CDK5RAP3: variants seen among roughly 807,000 people sequenced by gnomAD.
CDK5RAP3 encodes CDK5 regulatory subunit associated protein 3, also known as CDK5 regulatory subunit-associated protein 3.
CDK5RAP3 carries 58 observed loss-of-function variants against 73.3 expected under a neutral mutation model. The ratio of observed to expected loss-of-function variants is 0.79; its 90% CI spans 0.64 to 0.98. The LOEUF (loss-of-function observed/expected upper bound fraction) is 0.98. Ranked by LOEUF, CDK5RAP3 falls within the 50% of genes least tolerant of loss-of-function variation. The probability of loss-of-function intolerance (pLI) is 0.00; values close to 1 mark genes in which losing one functional copy is unlikely to be tolerated. For missense variants in CDK5RAP3, 525 were observed against 615.8 expected, an observed-to-expected ratio of 0.85 and a Z score of 1.56; for synonymous variants, 224 against 247.5, an observed-to-expected ratio of 0.91 and a Z score of 0.89.
At position 47,975,313 on chromosome 17, in the gene CDK5RAP3, C is replaced by T. The variant is rs781738132; in HGVS notation, c.489C>T (p.His163=). The stretch of plus-strand genomic sequence containing the variant: ...CCGAGATGCGGGAGCAGTTCTACCA[C>T]TCCTGCAAGCAGTATGGCATCACGG... ...GAAEMREQFY[H]SCKQYGITGE... is the part of the protein sequence containing the mutation. The change falls in exon 6 of 14, where the codon CAC becomes CAT. Residue 163 remains histidine (H), a synonymous_variant. Transcript: ENST00000338399. The T allele has an allele frequency of 6.2e-7, 1 of 1,614,122 alleles. No homozygotes were observed. The highest frequency in any genetic ancestry group is 8.5e-7 in the Non-Finnish European group (1 of 1,180,016).
chr17:47,976,056 C>G (rs2036404877), intron 8 of CDK5RAP3, 43 bp downstream of exon 8: 4 of 1,593,926 alleles, frequency 2.5e-6, no homozygotes, highest in South Asian at 1.1e-5. Context: ...GGAGTGGGAG[C>G]TGCTTGTCCC....
rs1465123684 is a variant in CDK5RAP3 at position 47,971,203 on chromosome 17, C to T, written c.6+51C>T. 13 of 1,531,050 alleles carry T rather than the reference C, an allele frequency of 8.5e-6. 1 individual carries two copies. The highest frequency in any genetic ancestry group is 2.0e-5 in the Admixed American group (1 of 49,992). 94.8% of individuals were successfully genotyped at this position (1,531,050 alleles called of 1,614,324 possible). A position where few individuals can be genotyped will look rare whatever the true frequency, so the allele number is the denominator to read the frequency against. ...TGGGGACTGGCCGCGGACCCCTAAC[C>T]TGTGTCTCCGGTCTCCCTCCGGAAG... On this transcript the variant is annotated intron_variant, in intron 1 of 13. Coordinates refer to ENST00000338399, the MANE Select transcript of CDK5RAP3 (RefSeq NM_176096.3).
At chr17:47,977,571 G>T (rs1039800285) in intron 9 of CDK5RAP3, among the ~76,000 whole-genome samples, 1 of 152,276 alleles carries the variant, frequency 6.6e-6, no homozygotes, top group African/African-American at 2.4e-5. Context: ...GAGCCACTGC[G>T]CCCAGCCCAT....
intron 11 of CDK5RAP3, chr17:47,979,265 G>A (rs940464891): frequency 2.9e-5 from 6 of 204,422 alleles, no homozygotes; most frequent in African/African-American, 1.4e-4. Context: ...CGGAGAAAGA[G>A]AAAGTAGGGG....
Position 47,975,188 on chromosome 17 carries a change from G to A in CDK5RAP3, c.364G>A (p.Val122Ile). Residue 122 changes from valine to isoleucine, a missense_variant, in exon 6 of 14, where the codon GTC becomes ATC. This residue lies in a region of CDK5RAP3 where 409 missense variants were observed against 429.8 expected (regional missense o/e 0.95). Coordinates refer to ENST00000338399, the MANE Select transcript of CDK5RAP3 (RefSeq NM_176096.3). ...VELSSLLVRN[V>I]NYEIPSLKKQ... is the part of the protein sequence containing the mutation. ...ACTCTCTAGCCTCCTGGTTCGGAAT[G>A]TCAACTATGAGATCCCCTCACTGAA... The A allele has an allele frequency of 6.2e-7, 1 of 1,614,196 alleles. No homozygotes were observed. Among genetic ancestry groups the A allele is most frequent in the Non-Finnish European group, 8.5e-7 (1 of 1,180,038 alleles).
In CDK5RAP3 at chr17:47,976,024, C is replaced by T. The variant is rs1465451039; in HGVS notation, c.798+11C>T. 6.2e-7 allele frequency: 1 copy of T among 1,613,274 alleles called. No individual in the cohort carries two copies. Among genetic ancestry groups the T allele is most frequent in the Non-Finnish European group, 8.5e-7 (1 of 1,179,740 alleles). On this transcript the variant is annotated intron_variant, in intron 8 of 13. Coordinates refer to ENST00000338399, the MANE Select transcript of CDK5RAP3 (RefSeq NM_176096.3). ...GTGGCAGAAGATGCGGTAAGATGGG[C>T]CTTGTGATGAGCTGTAGGAGTGGAG...
At chr17:47,977,760 T>A (rs1352534947) in intron 9 of CDK5RAP3, 72 bp from the exon 10 acceptor site, 1 of 1,295,544 alleles carries the variant, frequency 7.7e-7, no homozygotes, top group Non-Finnish European at 1.1e-6. Context: ...CATCAAGGGC[T>A]TTGGTTTATT....
At position 47,975,815 on chromosome 17, in the gene CDK5RAP3, A is replaced by G; in HGVS notation, c.654-54A>G. On this transcript the variant is annotated intron_variant, in intron 7 of 13. Coordinates refer to ENST00000338399, the MANE Select transcript of CDK5RAP3 (RefSeq NM_176096.3). ...GACCATGTGGCCCAGGCCAAAGCCC[A>G]GTGTTGGCCTTACGCATGGTCGGCA... The G allele has an allele frequency of 3.1e-6, 5 of 1,610,610 alleles. No homozygotes were observed. In the South Asian group the frequency reaches 4.4e-5, roughly 14 times the overall value.
At chr17:47,976,848 C>T (rs770059074) in intron 9 of CDK5RAP3, 26 bp downstream of exon 9, 14 of 1,407,286 alleles carry the variant, frequency 9.9e-6, no homozygotes, top group Non-Finnish European at 1.4e-5. Flanking sequence ...CAGTCTGTCT[C>T]TCTCTGATCA....
chr17:47,971,050 G>T, upstream of CDK5RAP3: 1 of 1,546,856 alleles, frequency 6.5e-7, no homozygotes, highest in South Asian at 1.2e-5. Flanking sequence ...AAGGATGCCC[G>T]TTTGTGTCTA....
intron 4 of CDK5RAP3, 137 bp downstream of exon 4, chr17:47,974,168 G>A: frequency 1.4e-6 from 1 of 730,764 alleles, no homozygotes; most frequent in Non-Finnish European, 2.4e-6. Flanking sequence ...TGTCTCTATA[G>A]TTTACTCCAA....
intron 2 of CDK5RAP3, among the ~76,000 whole-genome samples, chr17:47,972,373 C>T (rs1194646548): frequency 1.3e-5 from 2 of 152,176 alleles, no homozygotes; most frequent in Non-Finnish European, 2.9e-5. Flanking sequence ...CAGTCCGTTG[C>T]TTCTAGTTCT....
upstream of CDK5RAP3, chr17:47,971,034 T>G (rs544542293): frequency 4.3e-5 from 66 of 1,529,546 alleles, no homozygotes; most frequent in Middle Eastern, 1.9e-4. Flanking sequence ...GGCGGCGACG[T>G]GGCCGAAGGA....
At position 47,976,759 on chromosome 17, in the gene CDK5RAP3, C is replaced by T. The variant is rs777006336; in HGVS notation, c.846C>T (p.Asp282=). Residue 282 remains aspartate, a synonymous_variant, in exon 9 of 14, where the codon GAC becomes GAT. Transcript: ENST00000338399. ...FGVEAVSEGT[D]SGISAEAAGI... ...TAGAGGCAGTGTCTGAGGGGACTGACTCTGGCATCTCTGCCGAGGCTGCTG... is the reference window on the plus strand; with the variant it reads ...TAGAGGCAGTGTCTGAGGGGACTGATTCTGGCATCTCTGCCGAGGCTGCTG... The T allele has an allele frequency of 6.2e-7, 1 of 1,612,818 alleles. No homozygotes were observed. The highest frequency in any genetic ancestry group is 8.5e-7 in the Non-Finnish European group (1 of 1,179,338).
At chr17:47,971,319 C>T (rs779945877) in intron 1 of CDK5RAP3, 43 bp from the exon 2 acceptor site, 2 of 1,595,382 alleles carry the variant, frequency 1.3e-6, no homozygotes, top group Non-Finnish European at 1.7e-6. Flanking sequence ...GGTACGTCCT[C>T]TCTCCGCGCT....
Position 47,973,512 on chromosome 17 carries a change from C to A in CDK5RAP3, c.53-7C>A. ...GGAATGCTCTAATTTGGGTGCTTCT[C>A]ATGTAGATTGGCTGGTGGACAGAAG... On this transcript the variant is annotated splice_polypyrimidine_tract_variant and splice_region_variant and intron_variant, in intron 2 of 13. Coordinates refer to ENST00000338399, the MANE Select transcript of CDK5RAP3 (RefSeq NM_176096.3). The A allele has an allele frequency of 6.2e-7, 1 of 1,613,434 alleles. No individual in the cohort carries two copies. Among genetic ancestry groups the A allele is most frequent in the South Asian group, 1.1e-5 (1 of 90,998 alleles).
intron 9 of CDK5RAP3, among the ~76,000 whole-genome samples, chr17:47,977,443 C>A (rs573443793): frequency 6.6e-6 from 1 of 152,132 alleles, no homozygotes; most frequent in Non-Finnish European, 1.5e-5. Flanking sequence ...CCACCGCGCC[C>A]GGCTAATTTT....
At chr17:47,973,449 T>C in intron 2 of CDK5RAP3, 70 bp from the exon 3 acceptor site, 1 of 1,564,336 alleles carries the variant, frequency 6.4e-7, no homozygotes, top group Non-Finnish European at 8.8e-7. Context: ...TCAGTGTATT[T>C]CACTCGAATT....
chr17:47,971,037 C>T, upstream of CDK5RAP3: 7 of 1,533,238 alleles, frequency 4.6e-6, no homozygotes, highest in Admixed American at 4.1e-5. Flanking sequence ...GGCGACGTGG[C>T]CGAAGGATGC....
Sources: gnomAD v4.1 joint callset for allele counts (sites outside exome capture counted in the v4.1 genomes callset) on GRCh38, gnomAD v4.1.1 for gene constraint, gnomAD v4.1.1 regional missense constraint, MANE v1.5 for transcripts, NCBI Gene and HGNC (gene_info 2026-07-23, HGNC 2026-07-21) for gene names.